Variants in C21orf58 observed in about 807,000 individuals in gnomAD.
C21orf58 encodes chromosome 21 open reading frame 58, also known as uncharacterized protein C21orf58.
A neutral mutation model predicts 35.8 loss-of-function variants in C21orf58; 34 were observed. The observed-to-expected ratio is 0.95, with a 90% CI of 0.72 to 1.26. The LOEUF is 1.26. C21orf58 is among the 50% of genes most tolerant of loss of function. The pLI, the probability that C21orf58 is intolerant of heterozygous loss-of-function variation, is 0.00. For synonymous variants in C21orf58, 191 were observed against 175.8 expected, an observed-to-expected ratio of 1.09 and a Z score of -0.68; for missense variants, 440 against 414.3, an observed-to-expected ratio of 1.06 and a Z score of -0.54.
chr21:46,319,977 T>C (rs1391606207), intron 1 of C21orf58, among the ~76,000 whole-genome samples: 2 of 152,044 alleles, frequency 1.3e-5, no homozygotes, highest in Non-Finnish European at 2.9e-5. Flanking sequence ...TCATTAACAG[T>C]GACAGTCTTG....
At chr21:46,313,717 C>A (rs1486083713) in intron 5 of C21orf58, among the ~76,000 whole-genome samples, 2 of 152,202 alleles carry the variant, frequency 1.3e-5, no homozygotes, top group Non-Finnish European at 2.9e-5. Flanking sequence ...GAAGGCCACC[C>A]ATCTGCAGAG....
chr21:46,306,156 G>A (rs558544547), intron 6 of C21orf58, among the ~76,000 whole-genome samples: 59 of 151,864 alleles, frequency 3.9e-4, no homozygotes, highest in African/African-American at 1.4e-3. Context: ...TCCTTAGAAA[G>A]TGGTGAGATA....
rs780492425 is a variant in C21orf58, at chr21:46,311,481, A to C, written c.696T>G (p.Thr232=). The change falls in exon 6 of 8, where the codon ACT becomes ACG. Residue 232 remains threonine, a synonymous_variant. Coordinates refer to ENST00000291691, the MANE Select transcript of C21orf58 (RefSeq NM_058180.5). ...CTTCCTTAATACTTCCTGACCGTTG[A>C]GTAGGGAAGGCCTGGGGAGGAGGAA... is the stretch of plus-strand genomic sequence containing the variant. ...AQIPPPQAFP[T]QRSGSIKEDM... 10 of 1,606,972 alleles carry C rather than the reference A, an allele frequency of 6.2e-6. No individual in the cohort carries two copies. The highest frequency in any genetic ancestry group is 8.5e-6 in the Non-Finnish European group (10 of 1,175,370).
At chr21:46,317,153 A>C (rs2083001590) in intron 3 of C21orf58, 55 bp downstream of exon 3, 1 of 1,550,950 alleles carries the variant, frequency 6.4e-7, no homozygotes, top group African/African-American at 1.4e-5. Context: ...CTCCCCCTGG[A>C]GTGGCTACAC....
intron 3 of C21orf58, 76 bp downstream of exon 3, chr21:46,317,132 C>A: frequency 7.6e-7 from 1 of 1,319,476 alleles, no homozygotes; most frequent in Admixed American, 1.9e-5. Flanking sequence ...CCCACCTCCC[C>A]CTGGAGGTGG....
In C21orf58 at chr21:46,318,254, C is replaced by A. The variant is rs75652209; in HGVS notation, c.101-34G>T. 5.3e-4 allele frequency: 853 copies of A among 1,608,752 alleles called. 2 individuals carry two copies. In the African/African-American group the frequency reaches 9.7e-3, roughly 18 times the overall value. ...AGAGAAGAGCCCTGTGGGAAGATAG[C>A]CACACCCTCCCTGGACTGCAGTGCC... On this transcript the variant is annotated intron_variant, in intron 1 of 7. Coordinates refer to ENST00000291691, the MANE Select transcript of C21orf58 (RefSeq NM_058180.5).
Position 46,301,201 on chromosome 21 carries a change from G to A in C21orf58, c.*798C>T. ...CTGTGGTCCAGGCTATAGTGCAGTG[G>A]TTCCATCAGAGCTCACTGCAGCTTC... On this transcript the variant is annotated 3_prime_UTR_variant, in exon 8 of 8. Transcript: ENST00000291691. The A allele has an allele frequency of 2.0e-6, 1 of 511,884 alleles. No homozygotes were observed. Among genetic ancestry groups the A allele is most frequent in the Non-Finnish European group, 2.5e-6 (1 of 396,628 alleles). 31.7% of individuals were successfully genotyped at this position (511,884 alleles called of 1,614,324 possible).
chr21:46,322,663 C>T lies in C21orf58; in HGVS notation c.76G>A (p.Asp26Asn). ...KLDRQKLPSP[D>N]SGHSLLCGWS... ...CCACACAGAAGACTGTGGCCTGAGT[C>T]AGGAGAAGGAAGTTTCTGGCGGTCG... Residue 26 changes from aspartate (D) to asparagine (N), a missense_variant, in exon 1 of 8, where the codon GAC becomes AAC. By Grantham distance (23) the Asp-to-Asn change is conservative. Coordinates refer to ENST00000291691, the MANE Select transcript of C21orf58 (RefSeq NM_058180.5). 6.3e-7 allele frequency: 1 copy of T among 1,593,642 alleles called. No homozygotes were observed. Among genetic ancestry groups the T allele is most frequent in the Non-Finnish European group, 8.5e-7 (1 of 1,169,734 alleles).
chr21:46,322,793 CT>C lies in C21orf58; in HGVS notation c.-56del. On this transcript the variant is annotated 5_prime_UTR_variant, in exon 1 of 8. It introduces an in-frame stop codon into an upstream open reading frame of the 5' UTR. Coordinates refer to ENST00000291691, the MANE Select transcript of C21orf58 (RefSeq NM_058180.5). The stretch of plus-strand genomic sequence containing the variant: ...CTGTCTCAAAAAAAGAAAAAAAATT[CT>C]GAGCGAGATTCCAGGGCTTCCTGAG... 8.0e-7 allele frequency: 1 copy of C among 1,247,454 alleles called. No individual in the cohort carries two copies. The highest frequency in any genetic ancestry group is 1.1e-6 in the Non-Finnish European group (1 of 940,854). 77.3% of individuals were successfully genotyped at this position (1,247,454 alleles called of 1,614,324 possible).
Position 46,312,464 on chromosome 21 carries a change from G to A in C21orf58, c.610-897C>T, listed in dbSNP as rs151040383. On this transcript the variant is annotated intron_variant, in intron 5 of 7. Transcript: ENST00000291691. ...CTCCCGAGTAGCTGGGATTACAGGC[G>A]CCTGCCACCACGCCCGGCTAATTTT... is the stretch of plus-strand genomic sequence containing the variant. Among the ~76,000 whole-genome samples the A allele has an allele frequency of 1.7e-3, 265 of 152,046 alleles. 2 individuals are homozygous for A. The highest frequency in any genetic ancestry group is 0.01 in the Middle Eastern group (3 of 292).
At chr21:46,322,448 G>C (rs2083201662) in intron 1 of C21orf58, 191 bp downstream of exon 1, 3 of 985,284 alleles carry the variant, frequency 3.0e-6, no homozygotes, top group South Asian at 9.4e-5. Flanking sequence ...ATTGTAACAC[G>C]TAACAGTTGT....
intron 1 of C21orf58, among the ~76,000 whole-genome samples, chr21:46,320,122 A>G (rs1205162740): frequency 6.6e-6 from 1 of 151,200 alleles, no homozygotes; most frequent in Non-Finnish European, 1.5e-5. Context: ...TTTTTTTGAG[A>G]TGGAGTTTTG....
At position 46,322,852 on chromosome 21, in the gene C21orf58, G is replaced by A; in HGVS notation, c.-114C>T. On this transcript the variant is annotated 5_prime_UTR_variant, in exon 1 of 8. Transcript: ENST00000291691. ...TTAAGTTGCAGTTGCTGAGGAGGCT[G>A]CAAGGTGAGCTTGCGTCAGCGAGGA... 1 of 672,572 alleles carries A rather than the reference G, an allele frequency of 1.5e-6. No homozygotes were observed. The highest frequency in any genetic ancestry group is 2.6e-5 in the South Asian group (1 of 38,518). The allele number at this position is 672,572 out of a possible 1,614,324, so 41.7% of individuals were successfully genotyped here.
At position 46,311,516 on chromosome 21, in the gene C21orf58, T is replaced by C. The variant is rs1160167636; in HGVS notation, c.661A>G (p.Ile221Val). ...GCCTGGGGAGGAGGAATCTGTGCTA[T>C]GAGTGGCTGCTGAGGGAGCTGCTGA... is the stretch of plus-strand genomic sequence containing the variant. Reference protein sequence around the residue: ...IIQQLPQQPLIAQIPPPQAFP... With the variant: ...IIQQLPQQPLVAQIPPPQAFP... The change falls in exon 6 of 8, where the codon ATA becomes GTA. Residue 221 changes from isoleucine to valine, a missense_variant. Transcript: ENST00000291691. 1.9e-6 allele frequency: 3 copies of C among 1,612,532 alleles called. No individual in the cohort carries two copies. Among genetic ancestry groups the C allele is most frequent in the Non-Finnish European group, 2.5e-6 (3 of 1,179,468 alleles).
At chr21:46,305,063 T>C (rs1329927991) in intron 6 of C21orf58, among the ~76,000 whole-genome samples, 2 of 152,074 alleles carry the variant, frequency 1.3e-5, no homozygotes, top group African/African-American at 2.4e-5. Context: ...GGGGATGATG[T>C]AGTCACACAA....
chr21:46,314,808 C>T lies in C21orf58; in HGVS notation c.517G>A (p.Ala173Thr). The stretch of plus-strand genomic sequence containing the variant: ...GTGGGGGGCAGCTCTGGGGGCAGGG[C>T]TGACCCGAGGGCTCCTCTGCTTGGC... ...SGPSRGALGSALPPELPPTGI... is the reference protein window; with the variant it reads ...SGPSRGALGSTLPPELPPTGI... Residue 173 changes from alanine to threonine, a missense_variant, in exon 5 of 8, where the codon GCC (alanine) becomes ACC (threonine). Ala to Thr is a moderately conservative substitution (Grantham distance 58). Transcript: ENST00000291691. 1 of 1,546,746 alleles carries T rather than the reference C, an allele frequency of 6.5e-7. No individual in the cohort carries two copies.
chr21:46,317,384 G>A (rs2083013126), intron 2 of C21orf58, 116 bp from the exon 3 acceptor site: 1 of 1,528,706 alleles, frequency 6.5e-7, no homozygotes, highest in Non-Finnish European at 8.8e-7. Flanking sequence ...GAGTAACCCA[G>A]CCTCTCCAGG....
At chr21:46,301,084 C>CT, downstream of C21orf58, 3 of 1,004,260 alleles carry the variant, frequency 3.0e-6, no homozygotes, top group Non-Finnish European at 3.6e-6. Flanking sequence ...TAGCACTCTC[C>CT]CTTTTTTTTT....
chr21:46,308,425 C>T (rs1297466535), intron 6 of C21orf58, among the ~76,000 whole-genome samples: 1 of 151,968 alleles, frequency 6.6e-6, no homozygotes, highest in Non-Finnish European at 1.5e-5. Context: ...CACGACACTG[C>T]ACTCCAGCCT....
Sources: allele counts gnomAD v4.1 joint callset (sites outside exome capture counted in the v4.1 genomes callset), GRCh38; gene constraint gnomAD v4.1.1; transcripts MANE v1.5; gene names NCBI Gene and HGNC (gene_info 2026-07-23, HGNC 2026-07-21).